The following RAB7B variants were observed in gnomAD, a reference collection of about 807,000 sequenced individuals.
The protein encoded by RAB7B is RAB7B, member RAS oncogene family.
At chr1:205,985,764 C>CACCAGGCCCACCAGG (rs1660586065) in intron 4 of RAB7B, 99 bp from the exon 5 acceptor site, 1 of 131,472 alleles carries the variant, frequency 7.6e-6, no homozygotes, top group African/African-American at 8.0e-5. Flanking sequence ...GGCCCACCAT[C>CACCAGGCCCACCAGG]CCCACCATCC....
At chr1:206,001,010 T>G (rs1360601518) in intron 1 of RAB7B, among the ~76,000 whole-genome samples, 1 of 152,208 alleles carries the variant, frequency 6.6e-6, no homozygotes, top group Non-Finnish European at 1.5e-5. Context: ...TTCCCCTAGA[T>G]GCTCACTCAG....
rs1571788542 is a variant in RAB7B, at chr1:205,978,875, G to C, written c.576C>G (p.Asp192Glu). Residue 192 changes from aspartate to glutamate, a missense_variant, in exon 6 of 6, where the codon GAC (aspartate) becomes GAG (glutamate). Transcript: ENST00000617070. ...GTCAGCAGCATCTGCTCCTTGACTG[G>C]TCTGGCGAGAGCTTGATGGATTCTG... ...HLTESIKLSP[D>E]QSRSRCC is the part of the protein sequence containing the mutation. The C allele has an allele frequency of 1.3e-5, 5 of 398,784 alleles. No homozygotes were observed. In the East Asian group the frequency reaches 1.8e-4, roughly 14 times the overall value. The allele number at this position is 398,784 out of a possible 1,614,324, so 24.7% of individuals were successfully genotyped here.
chr1:205,984,699 T>G (rs1660558334), intron 5 of RAB7B, among the ~76,000 whole-genome samples: 1 of 152,222 alleles, frequency 6.6e-6, no homozygotes, highest in Admixed American at 6.5e-5. Context: ...CAAGGAACCT[T>G]GAACGCAATG....
chr1:205,998,997 C>T (rs904189315), intron 1 of RAB7B, among the ~76,000 whole-genome samples: 4 of 152,176 alleles, frequency 2.6e-5, no homozygotes, highest in African/African-American at 4.8e-5. Context: ...AAAGCCCGCA[C>T]GTGTTAGAGC....
chr1:205,988,453 T>C (rs1335371556), intron 4 of RAB7B, among the ~76,000 whole-genome samples: 4 of 152,190 alleles, frequency 2.6e-5, no homozygotes, highest in Non-Finnish European at 5.9e-5. Flanking sequence ...CAGGATGGTC[T>C]CGAACTCCTG....
intron 1 of RAB7B, among the ~76,000 whole-genome samples, chr1:206,000,240 T>C (rs1376365179): frequency 6.6e-6 from 1 of 152,252 alleles, no homozygotes; most frequent in Non-Finnish European, 1.5e-5. Context: ...GATTAGAGGC[T>C]AAGAGCTATC....
chr1:205,996,659 A>G lies in RAB7B; in HGVS notation c.-16-2508T>C, dbSNP rs1029728188. On this transcript the variant is annotated intron_variant, in intron 1 of 5. Coordinates refer to ENST00000617070, the MANE Select transcript of RAB7B (RefSeq NM_001164522.3). ...TAGTGTCCCCTTCATGAACCATGTC[A>G]TGGACTGTATTCATCTGTTCTCATG... Among the ~76,000 whole-genome samples, 760 of 152,298 alleles carry G rather than the reference A, an allele frequency of 5.0e-3. 2 individuals carry two copies. Among genetic ancestry groups the G allele is most frequent in the Admixed American group, 7.9e-3 (121 of 15,296 alleles).
At chr1:205,986,946 A>G (rs1006622123) in intron 4 of RAB7B, among the ~76,000 whole-genome samples, 33 of 152,244 alleles carry the variant, frequency 2.2e-4, no homozygotes, top group African/African-American at 7.0e-4. Flanking sequence ...TGGGATAAAA[A>G]GTCCCAGCTG....
At chr1:205,980,256 A>G (rs1660465262) in intron 5 of RAB7B, among the ~76,000 whole-genome samples, 1 of 152,160 alleles carries the variant, frequency 6.6e-6, no homozygotes, top group Admixed American at 6.5e-5. Flanking sequence ...GGTAGGTGTG[A>G]GAAATGTCCT....
At chr1:205,988,332 G>A (rs1660652210) in intron 4 of RAB7B, among the ~76,000 whole-genome samples, 1 of 148,510 alleles carries the variant, frequency 6.7e-6, no homozygotes, top group African/African-American at 2.5e-5. Flanking sequence ...GTGTTCAAGC[G>A]ATCCTCCCAG....
At chr1:205,995,176 G>A (rs1463650620) in intron 1 of RAB7B, among the ~76,000 whole-genome samples, 1 of 152,052 alleles carries the variant, frequency 6.6e-6, no homozygotes, top group Middle Eastern at 3.2e-3. Context: ...GTTAATGGGT[G>A]CAGCACAACA....
At chr1:205,995,712 G>A (rs1020680349) in intron 1 of RAB7B, among the ~76,000 whole-genome samples, 139 of 152,324 alleles carry the variant, frequency 9.1e-4, no homozygotes, top group Non-Finnish European at 1.5e-3. Context: ...GAATAGAATG[G>A]TGGTTACCAG....
chr1:205,981,590 T>C (rs1023805564), intron 5 of RAB7B, among the ~76,000 whole-genome samples: 4 of 147,740 alleles, frequency 2.7e-5, no homozygotes, highest in South Asian at 2.2e-4. Context: ...GAATGTTAAC[T>C]GAACACCTAC....
At chr1:206,002,767 A>G (rs1196974262) in intron 1 of RAB7B, among the ~76,000 whole-genome samples, 1 of 152,188 alleles carries the variant, frequency 6.6e-6, no homozygotes, top group African/African-American at 2.4e-5. Flanking sequence ...GCAAGGAGAA[A>G]TATTTATGAT....
chr1:205,991,433 C>G (rs1660720531), intron 4 of RAB7B, among the ~76,000 whole-genome samples: 1 of 152,220 alleles, frequency 6.6e-6, no homozygotes, highest in African/African-American at 2.4e-5. Context: ...ATTTCCAGCA[C>G]AGACTTCTCC....
chr1:205,987,621 A>C (rs1013919380), intron 4 of RAB7B, among the ~76,000 whole-genome samples: 2 of 152,246 alleles, frequency 1.3e-5, no homozygotes, highest in African/African-American at 4.8e-5. Flanking sequence ...CATGATCTTA[A>C]GTCTACGGAA....
At chr1:205,981,442 T>A (rs972484750) in intron 5 of RAB7B, among the ~76,000 whole-genome samples, 7 of 150,380 alleles carry the variant, frequency 4.7e-5, no homozygotes, top group Non-Finnish European at 1.0e-4. Flanking sequence ...CTCTTTCAGA[T>A]AATTAACTGA....
At chr1:206,001,648 C>T (rs1197169913) in intron 1 of RAB7B, among the ~76,000 whole-genome samples, 2 of 152,286 alleles carry the variant, frequency 1.3e-5, no homozygotes, top group Admixed American at 6.5e-5. Flanking sequence ...CAGCCAGCCC[C>T]GGTCCACACA....
At position 205,990,431 on chromosome 1, in the gene RAB7B, C is replaced by T. The variant is rs915307165; in HGVS notation, c.396+2049G>A. Among the ~76,000 whole-genome samples, 969 of 152,250 alleles carry T rather than the reference C, an allele frequency of 6.4e-3. 9 individuals are homozygous for T. Among genetic ancestry groups the T allele is most frequent in the African/African-American group, 0.022 (895 of 41,536 alleles). On this transcript the variant is annotated intron_variant, in intron 4 of 5. Transcript: ENST00000617070. The stretch of plus-strand genomic sequence containing the variant: ...CTGAGGTATCTGAGGCAACAGTCAA[C>T]GGGGCAGAGAGAGAAGAGGCTGCAC...
Sources: allele counts gnomAD v4.1 joint callset (sites outside exome capture counted in the v4.1 genomes callset), GRCh38; gene constraint gnomAD v4.1.1; transcripts MANE v1.5; gene names NCBI Gene and HGNC (gene_info 2026-07-23, HGNC 2026-07-21).